The following SOCS5 variants were observed in gnomAD, a reference collection of about 807,000 sequenced individuals.
SOCS5 encodes suppressor of cytokine signaling 5, also known as CIS-6.
A neutral mutation model predicts 42.8 loss-of-function variants in SOCS5; 32 were observed. The observed-to-expected ratio is 0.75, with a 90% CI of 0.56 to 1.01. The LOEUF (loss-of-function observed/expected upper bound fraction) is 1.01, where lower values mean the gene tolerates loss of function less well. Among genes scored for constraint, SOCS5 ranks in the 50% least tolerant of loss-of-function variants. The probability of loss-of-function intolerance (pLI) is 0.00; values close to 1 mark genes in which losing one functional copy is unlikely to be tolerated. For missense variants in SOCS5, 627 were observed against 653.0 expected (o/e 0.96, Z 0.43); for synonymous variants, 283 against 229.6 (o/e 1.23, Z -2.10).
Position 46,761,120 on chromosome 2 carries a change from T to G in SOCS5, c.*979T>G, listed in dbSNP as rs1185436345. 6.0e-6 allele frequency: 1 copy of G among 167,098 alleles called. No individual in the cohort carries two copies. Among genetic ancestry groups the G allele is most frequent in the African/African-American group, 2.4e-5 (1 of 41,458 alleles). 10.4% of individuals were successfully genotyped at this position (167,098 alleles called of 1,614,324 possible). A position where few individuals can be genotyped will look rare whatever the true frequency, so the allele number is the denominator to read the frequency against. On this transcript the variant is annotated 3_prime_UTR_variant, in exon 2 of 2. Transcript: ENST00000394861. ...TTGTAAACTCTCATAACTGAATTGC[T>G]TAAGTATAATTTATAGAATTTCAGT... is the stretch of plus-strand genomic sequence containing the variant.
At chr2:46,722,905 GTC>G (rs1233244622) in intron 1 of SOCS5, among the ~76,000 whole-genome samples, 1 of 152,008 alleles carries the variant, frequency 6.6e-6, no homozygotes, top group African/African-American at 2.4e-5. Context: ...TTTCTCTAAT[GTC>G]TAATAACGTT....
intron 1 of SOCS5, among the ~76,000 whole-genome samples, chr2:46,712,446 C>T (rs929538560): frequency 1.4e-5 from 2 of 147,414 alleles, no homozygotes; most frequent in East Asian, 2.0e-4. Context: ...TGGGTTCAAG[C>T]GATTCTTCTG....
Position 46,759,744 on chromosome 2 carries a change from T to C in SOCS5, c.1214T>C (p.Leu405Pro). The change falls in exon 2 of 2, where the codon CTC becomes CCC. Residue 405 changes from leucine to proline, a missense_variant. Around this residue, in one of 3 missense-constraint regions of SOCS5, gnomAD observed 340 missense variants for 367.6 expected, o/e 0.92. Transcript: ENST00000394861. ...GGGAAACCTGAAGGCACGTTTTTGC[T>C]CAGGGACTCTGCGCAAGAGGACTAC... Reference protein sequence around the residue: ...LEGKPEGTFLLRDSAQEDYLF... With the variant: ...LEGKPEGTFLPRDSAQEDYLF... 4 of 1,614,106 alleles carry C rather than the reference T, an allele frequency of 2.5e-6. No individual in the cohort carries two copies. The highest frequency in any genetic ancestry group is 3.4e-6 in the Non-Finnish European group (4 of 1,180,006).
rs774324710 is a variant in SOCS5, at chr2:46,699,966, T to C, written c.-13+517T>C. Among the ~76,000 whole-genome samples the C allele has an allele frequency of 1.3e-5, 2 of 151,982 alleles. No individual in the cohort carries two copies. The highest frequency in any genetic ancestry group is 1.3e-4 in the Admixed American group (2 of 15,264). ...GGGGATGAGGGAGGGAACCAATGAGTACATATGTGGGAAATGAATTGAGTG... is the reference window on the plus strand; with the variant it reads ...GGGGATGAGGGAGGGAACCAATGAGCACATATGTGGGAAATGAATTGAGTG... On this transcript the variant is annotated intron_variant, in intron 1 of 1. Transcript: ENST00000394861. This position sits in a 1 kb window ranked among gnomAD's most constrained non-coding sequence, Gnocchi z 4.8.
At chr2:46,743,131 C>T (rs969353219) in intron 1 of SOCS5, among the ~76,000 whole-genome samples, 2 of 152,080 alleles carry the variant, frequency 1.3e-5, no homozygotes, top group Admixed American at 6.5e-5. Context: ...TCATCTACTT[C>T]CTCCCTCCTT....
chr2:46,759,933 T>C lies in SOCS5; in HGVS notation c.1403T>C (p.Phe468Ser). ...HYKDPSSCMF[F>S]EPLLTISLNR... ...AAAGATCCCAGTTCGTGCATGTTTT[T>C]TGAACCATTGCTTACTATATCACTA... Residue 468 changes from phenylalanine to serine, a missense_variant, in exon 2 of 2, where the codon TTT (phenylalanine) becomes TCT (serine). By Grantham distance (155) the Phe-to-Ser change is radical. Around this residue, in one of 3 missense-constraint regions of SOCS5, gnomAD observed 340 missense variants for 367.6 expected, o/e 0.92. Coordinates refer to ENST00000394861, the MANE Select transcript of SOCS5 (RefSeq NM_144949.3). The C allele has an allele frequency of 6.2e-7, 1 of 1,614,190 alleles. No individual in the cohort carries two copies.
intron 1 of SOCS5, among the ~76,000 whole-genome samples, chr2:46,724,317 C>G (rs1180438222): frequency 1.3e-5 from 2 of 151,430 alleles, no homozygotes; most frequent in South Asian, 2.1e-4. Context: ...TCATTGATTC[C>G]AATTATAGAG....
intron 1 of SOCS5, among the ~76,000 whole-genome samples, chr2:46,734,808 G>T (rs1336538403): frequency 6.6e-5 from 10 of 152,116 alleles, no homozygotes; most frequent in Non-Finnish European, 1.3e-4. Context: ...CCACATCCAG[G>T]AATAAAAGCA....
chr2:46,730,982 C>T (rs1673105862), intron 1 of SOCS5, among the ~76,000 whole-genome samples: 1 of 152,256 alleles, frequency 6.6e-6, no homozygotes, highest in Middle Eastern at 3.4e-3. Flanking sequence ...TACTAATTCT[C>T]CATTGTAGAA....
intron 1 of SOCS5, among the ~76,000 whole-genome samples, chr2:46,747,516 A>T (rs1349096350): frequency 6.6e-6 from 1 of 152,124 alleles, no homozygotes; most frequent in African/African-American, 2.4e-5. Flanking sequence ...ATGCCCGGCT[A>T]GTCTCTTTTA....
chr2:46,745,375 T>C (rs1673475023), intron 1 of SOCS5, among the ~76,000 whole-genome samples: 1 of 152,352 alleles, frequency 6.6e-6, no homozygotes, highest in East Asian at 1.9e-4. Context: ...TTTGATTACA[T>C]ATTTTTGTAG....
rs537785949 is a variant in SOCS5, at chr2:46,758,584, C to G, written c.54C>G (p.Leu18=). 6 of 1,612,438 alleles carry G rather than the reference C, an allele frequency of 3.7e-6. No individual in the cohort carries two copies. Among genetic ancestry groups the G allele is most frequent in the Non-Finnish European group, 5.1e-6 (6 of 1,179,396 alleles). Residue 18 remains leucine (L), a synonymous_variant, in exon 2 of 2, where the codon CTC becomes CTG. Transcript: ENST00000394861. The stretch of plus-strand genomic sequence containing the variant: ...ACTTCAAATACAGGTGTCAGAATCT[C>G]TTCGGTCATGAGGGAGGAAGCCGTA... ...WNNFKYRCQN[L]FGHEGGSRSE... is the part of the protein sequence containing the mutation.
At chr2:46,731,221 G>A (rs998987509) in intron 1 of SOCS5, among the ~76,000 whole-genome samples, 2 of 152,172 alleles carry the variant, frequency 1.3e-5, no homozygotes, top group Non-Finnish European at 2.9e-5. Context: ...AGGTGATTAA[G>A]TTATGAGGAT....
At chr2:46,749,014 T>C (rs559411936) in intron 1 of SOCS5, among the ~76,000 whole-genome samples, 48 of 152,338 alleles carry the variant, frequency 3.2e-4, no homozygotes, top group Admixed American at 4.6e-4. Context: ...TTTTTGTTTA[T>C]ATTTAACCAC....
chr2:46,745,799 T>G (rs1033737215), intron 1 of SOCS5, among the ~76,000 whole-genome samples: 2 of 152,200 alleles, frequency 1.3e-5, no homozygotes, highest in Non-Finnish European at 2.9e-5. Flanking sequence ...ATTTAATTTT[T>G]TCCTGAGAGT....
chr2:46,732,021 C>A (rs534367774), intron 1 of SOCS5, among the ~76,000 whole-genome samples: 2 of 152,228 alleles, frequency 1.3e-5, no homozygotes, highest in South Asian at 4.1e-4. Context: ...TGGCTGGTAA[C>A]TTAAGAGATG....
At chr2:46,743,988 TTTTC>T (rs1423980429) in intron 1 of SOCS5, among the ~76,000 whole-genome samples, 3 of 83,606 alleles carry the variant, frequency 3.6e-5, no homozygotes, top group Non-Finnish European at 4.4e-5. Context: ...TTTTATACTA[TTTTC>T]TTTCTTTTTT....
At chr2:46,744,792 T>A (rs190752287) in intron 1 of SOCS5, among the ~76,000 whole-genome samples, 1,520 of 151,996 alleles carry the variant, frequency 0.01, 30 homozygotes, top group African/African-American at 0.035. Flanking sequence ...CCTCCCAAAG[T>A]GCAGGGCTCA....
intron 1 of SOCS5, among the ~76,000 whole-genome samples, chr2:46,758,296 G>A (rs942988145): frequency 1.3e-5 from 2 of 152,198 alleles, no homozygotes; most frequent in African/African-American, 4.8e-5. Context: ...AAGGACTTGG[G>A]AAGTAATGAC....
Sources: gnomAD v4.1 joint callset for allele counts (sites outside exome capture counted in the v4.1 genomes callset) on GRCh38, gnomAD v4.1.1 for gene constraint, gnomAD v4.1.1 regional missense constraint, Gnocchi (gnomAD v3.1) non-coding constraint, MANE v1.5 for transcripts, NCBI Gene and HGNC (gene_info 2026-07-23, HGNC 2026-07-21) for gene names.